Variants in SH3RF2 observed in about 807,000 individuals in gnomAD.
SH3RF2 encodes the protein SH3 domain containing ring finger 2.
Under a neutral mutation model 59.0 loss-of-function variants are expected in SH3RF2, and 43 were observed. The observed-to-expected ratio is 0.73, with a 90% confidence interval of 0.57 to 0.94. The LOEUF (loss-of-function observed/expected upper bound fraction) is 0.94, where lower values mean the gene tolerates loss of function less well. SH3RF2 is among the 40% of genes least tolerant of loss of function. The pLI is 0.00. For synonymous variants in SH3RF2, 391 were observed against 391.5 expected, an observed-to-expected ratio of 1.00 and a Z score of 0.01; for missense variants, 930 against 940.1, an observed-to-expected ratio of 0.99 and a Z score of 0.14.
chr5:146,080,545 T>A (rs1384863391), exon 10 of SH3RF2: 1 of 152,212 alleles, frequency 6.6e-6, no homozygotes, highest in Non-Finnish European at 1.5e-5. Context: ...AGTGGACACT[T>A]AAGGACTTCC....
At chr5:146,039,300 A>G (rs1447013579) in intron 5 of SH3RF2, among the ~76,000 whole-genome samples, 1 of 152,230 alleles carries the variant, frequency 6.6e-6, no homozygotes, top group Non-Finnish European at 1.5e-5. Flanking sequence ...ATTTGACTAT[A>G]TGAAAAATCA....
intron 2 of SH3RF2, among the ~76,000 whole-genome samples, chr5:145,939,110 T>C (rs552564147): frequency 6.6e-6 from 1 of 152,344 alleles, no homozygotes; most frequent in Admixed American, 6.5e-5. Context: ...GACCTGGCTA[T>C]GAACCTTGTT....
rs1760197913 is a variant in SH3RF2, at chr5:145,997,165, T to C, written c.379-2893T>C. ...GAATGAGACTTCCTGTTGCTCCTCATTCTCCCCAGCATTTACCATTGTCAA... is the reference window on the plus strand; with the variant it reads ...GAATGAGACTTCCTGTTGCTCCTCACTCTCCCCAGCATTTACCATTGTCAA... On this transcript the variant is annotated intron_variant, in intron 2 of 9. Coordinates refer to ENST00000359120, the MANE Select transcript of SH3RF2 (RefSeq NM_152550.4). 5 of 706,698 alleles carry C rather than the reference T, an allele frequency of 7.1e-6. No individual in the cohort carries two copies. In the African/African-American group the frequency reaches 8.9e-5, roughly 13 times the overall value. 43.8% of individuals were successfully genotyped at this position (706,698 alleles called of 1,614,324 possible).
intron 2 of SH3RF2, among the ~76,000 whole-genome samples, chr5:145,946,522 T>C (rs763371794): frequency 4.6e-5 from 7 of 152,160 alleles, no homozygotes; most frequent in Non-Finnish European, 8.8e-5. Flanking sequence ...GAGAAACAAG[T>C]GGCACACTAT....
chr5:146,071,889 G>A (rs539033822), intron 9 of SH3RF2, among the ~76,000 whole-genome samples: 35 of 152,136 alleles, frequency 2.3e-4, no homozygotes, highest in Non-Finnish European at 4.0e-4. Context: ...ATGGTATTGG[G>A]TACATAGAAT....
chr5:146,031,837 C>T (rs1761755053), intron 5 of SH3RF2, among the ~76,000 whole-genome samples: 1 of 152,116 alleles, frequency 6.6e-6, no homozygotes. Context: ...CTGTAGCCTC[C>T]CATATATGGA....
intron 2 of SH3RF2, among the ~76,000 whole-genome samples, chr5:145,980,820 A>G (rs899905256): frequency 1.3e-5 from 2 of 152,222 alleles, no homozygotes; most frequent in Non-Finnish European, 2.9e-5. Flanking sequence ...AGAGAAAATA[A>G]TAATAATGAA....
intron 5 of SH3RF2, among the ~76,000 whole-genome samples, chr5:146,039,301 T>C (rs1762047942): frequency 6.6e-6 from 1 of 152,100 alleles, no homozygotes; most frequent in Non-Finnish European, 1.5e-5. Flanking sequence ...TTTGACTATA[T>C]GAAAAATCAG....
rs538411328 is a variant in SH3RF2 at position 146,002,217 on chromosome 5, G to A, written c.649-1841G>A. Among the ~76,000 whole-genome samples the A allele has an allele frequency of 1.1e-4, 17 of 152,248 alleles. No individual in the cohort carries two copies. The South Asian group carries it at 3.3e-3, about 30-fold the overall frequency. On this transcript the variant is annotated intron_variant, in intron 3 of 9. Coordinates refer to ENST00000359120, the MANE Select transcript of SH3RF2 (RefSeq NM_152550.4). The stretch of plus-strand genomic sequence containing the variant: ...TGCAATCCCAGCACTTTGGGAGACC[G>A]CGGCAGGCGGATCACTTGAGGTCAG...
intron 3 of SH3RF2, among the ~76,000 whole-genome samples, chr5:146,003,744 T>C (rs954384121): frequency 1.6e-4 from 25 of 152,272 alleles, no homozygotes; most frequent in African/African-American, 5.8e-4. Flanking sequence ...GGCTTCCATC[T>C]TGATTTCTCC....
intron 2 of SH3RF2, among the ~76,000 whole-genome samples, chr5:145,955,046 G>A (rs993865629): frequency 2.6e-5 from 4 of 152,076 alleles, no homozygotes; most frequent in East Asian, 1.9e-4. Flanking sequence ...TGATCCAATC[G>A]CCTCCCACTA....
At chr5:146,054,084 A>G (rs1215946392) in intron 7 of SH3RF2, among the ~76,000 whole-genome samples, 1 of 152,188 alleles carries the variant, frequency 6.6e-6, no homozygotes, top group East Asian at 1.9e-4. Context: ...AACAAAGATC[A>G]TAATGTCTGC....
chr5:146,057,406 G>C (rs1479533686), intron 8 of SH3RF2, among the ~76,000 whole-genome samples: 1 of 152,054 alleles, frequency 6.6e-6, no homozygotes, highest in African/African-American at 2.4e-5. Flanking sequence ...ACAGCCTTGG[G>C]AAAATGACTA....
intron 3 of SH3RF2, among the ~76,000 whole-genome samples, chr5:146,001,284 G>A (rs562454219): frequency 2.6e-5 from 4 of 152,106 alleles, no homozygotes; most frequent in Non-Finnish European, 4.4e-5. Flanking sequence ...TTGACTACTC[G>A]TGATAAGTAG....
chr5:146,003,994 C>T lies in SH3RF2; in HGVS notation c.649-64C>T, dbSNP rs539100228. The stretch of plus-strand genomic sequence containing the variant: ...ACCATCTGAGACTCCAAACTGATCT[C>T]TGCTGAGAGCTTTTACTGCCTGAAA... On this transcript the variant is annotated intron_variant, in intron 3 of 9. Transcript: ENST00000359120. The T allele has an allele frequency of 7.3e-5, 103 of 1,411,032 alleles. 1 individual carries two copies. The South Asian group carries it at 1.1e-3, about 15-fold the overall frequency. 87.4% of individuals were successfully genotyped at this position (1,411,032 alleles called of 1,614,324 possible).
chr5:145,967,985 A>G (rs945054201), intron 2 of SH3RF2, among the ~76,000 whole-genome samples: 1 of 148,946 alleles, frequency 6.7e-6, no homozygotes, highest in African/African-American at 2.6e-5. Flanking sequence ...TCTCTAGAAA[A>G]GATCTCTTAA....
intron 2 of SH3RF2, among the ~76,000 whole-genome samples, chr5:145,959,237 T>G (rs1361118343): frequency 6.6e-6 from 1 of 152,188 alleles, no homozygotes; most frequent in Non-Finnish European, 1.5e-5. Flanking sequence ...TTTTTAACAT[T>G]TTTAATTATT....
intron 6 of SH3RF2, among the ~76,000 whole-genome samples, chr5:146,048,647 G>T (rs1762386423): frequency 6.6e-6 from 1 of 152,090 alleles, no homozygotes; most frequent in African/African-American, 2.4e-5. Context: ...GAGATGCCTG[G>T]AGGCCATATA....
exon 10 of SH3RF2, chr5:146,078,542 T>C (rs1763375816): frequency 1.3e-5 from 2 of 152,236 alleles, no homozygotes; most frequent in African/African-American, 4.8e-5. Context: ...GGATGGAAAC[T>C]GCTCAATGGA....
Sources: allele counts gnomAD v4.1 joint callset (sites outside exome capture counted in the v4.1 genomes callset), GRCh38; gene constraint gnomAD v4.1.1; transcripts MANE v1.5; gene names NCBI Gene and HGNC (gene_info 2026-07-23, HGNC 2026-07-21).